DRD2: variants seen among roughly 807,000 people sequenced by gnomAD.
The protein encoded by DRD2 is D(2) dopamine receptor.
Under a neutral mutation model 38.0 loss-of-function variants are expected in DRD2, and 8 were observed. That is an observed-to-expected ratio of 0.21 (90% CI 0.12 to 0.38). The LOEUF (loss-of-function observed/expected upper bound fraction) is 0.38, where lower values mean the gene tolerates loss of function less well. Among genes scored for constraint, DRD2 ranks in the 10% least tolerant of loss-of-function variants. DRD2 has a pLI of 1.00. For synonymous variants in DRD2, 230 were observed against 238.6 expected (o/e 0.96, Z 0.33); for missense variants, 403 against 607.7 (o/e 0.66, Z 3.54).
Position 113,412,846 on chromosome 11 carries a change from A to C in DRD2, c.848T>G (p.Met283Arg). 1 of 1,612,758 alleles carries C rather than the reference A, an allele frequency of 6.2e-7. No homozygotes were observed. The highest frequency in any genetic ancestry group is 1.1e-5 in the South Asian group (1 of 91,006). Reference sequence around the variant, plus strand: ...CTCGGGTGGGCTGGTGCTGGAGAGCATCTCCATCTCCAGCTCCTGGGCTCG... The same window carrying C: ...CTCGGGTGGGCTGGTGCTGGAGAGCCTCTCCATCTCCAGCTCCTGGGCTCG... The part of the protein sequence containing the change: ...ARRAQELEME[M>R]LSSTSPPERT... Residue 283 changes from methionine (M) to arginine (R), a missense_variant, in exon 7 of 8, where the codon ATG becomes AGG. Physicochemically the swap from Met to Arg is moderately conservative, Grantham distance 91 (BLOSUM62 -1). This residue lies in a region of DRD2 where 166 missense variants were observed against 178.6 expected (regional missense o/e 0.93). Transcript: ENST00000362072.
Position 113,412,901 on chromosome 11 carries a change from G to C in DRD2, c.811-18C>G, listed in dbSNP as rs1202330746. 1.2e-6 allele frequency: 2 copies of C among 1,606,898 alleles called. No individual in the cohort carries two copies. The highest frequency in any genetic ancestry group is 1.7e-6 in the Non-Finnish European group (2 of 1,178,904). On this transcript the variant is annotated intron_variant, in intron 6 of 7. Coordinates refer to ENST00000362072, the MANE Select transcript of DRD2 (RefSeq NM_000795.4). The stretch of plus-strand genomic sequence containing the variant: ...GCAGCCTCCTGCACCAGAGGCAGAG[G>C]GCTCTGGGTAAAGCCGGACAAGTTC...
intron 1 of DRD2, among the ~76,000 whole-genome samples, chr11:113,468,712 T>C (rs560622977): frequency 6.6e-6 from 1 of 152,278 alleles, no homozygotes; most frequent in South Asian, 2.1e-4. Flanking sequence ...CAGATCCTAA[T>C]TTTTTTGTGT....
chr11:113,464,074 C>T (rs1316610339), intron 1 of DRD2, among the ~76,000 whole-genome samples: 1 of 152,172 alleles, frequency 6.6e-6, no homozygotes, highest in Non-Finnish European at 1.5e-5. Flanking sequence ...TAACTTCCAC[C>T]TATTTCAGCT....
chr11:113,415,724 G>T, intron 4 of DRD2, 113 bp from the exon 5 acceptor site: 1 of 1,186,188 alleles, frequency 8.4e-7, no homozygotes, highest in Non-Finnish European at 1.2e-6. Flanking sequence ...CAGAGAATAT[G>T]AACGCAACTA....
intron 1 of DRD2, among the ~76,000 whole-genome samples, chr11:113,472,841 T>C (rs1313332788): frequency 6.6e-6 from 1 of 152,160 alleles, no homozygotes; most frequent in Non-Finnish European, 1.5e-5. Context: ...AGTATTTACA[T>C]AAGTCAACCT....
At chr11:113,457,348 G>C (rs1951277046) in intron 1 of DRD2, among the ~76,000 whole-genome samples, 2 of 151,964 alleles carry the variant, frequency 1.3e-5, no homozygotes, top group South Asian at 4.2e-4. Flanking sequence ...TAACAAGAAG[G>C]GGAGATCTCA....
chr11:113,420,157 G>T (rs1334773500), intron 2 of DRD2, among the ~76,000 whole-genome samples: 4 of 152,182 alleles, frequency 2.6e-5, no homozygotes, highest in Admixed American at 1.3e-4. Flanking sequence ...AGCCACTGGG[G>T]ATCTAGGTTG....
At chr11:113,434,509 C>G (rs1032229697) in intron 1 of DRD2, among the ~76,000 whole-genome samples, 1 of 152,190 alleles carries the variant, frequency 6.6e-6, no homozygotes. Flanking sequence ...CCAGCTGGTT[C>G]GGGTCCTTGC....
chr11:113,410,436 G>T lies in DRD2; in HGVS notation c.*291C>A. The T allele has an allele frequency of 1.9e-6, 1 of 532,972 alleles. No homozygotes were observed. 33.0% of individuals were successfully genotyped at this position (532,972 alleles called of 1,614,324 possible). ...GGTCAAGGAAGGCGGCTGCATCTTT[G>T]GTGCCAAGGATAGGGGGACTGGAGG... On this transcript the variant is annotated 3_prime_UTR_variant, in exon 8 of 8. Coordinates refer to ENST00000362072, the MANE Select transcript of DRD2 (RefSeq NM_000795.4).
intron 1 of DRD2, among the ~76,000 whole-genome samples, chr11:113,470,856 C>T (rs1951417148): frequency 6.6e-6 from 1 of 152,160 alleles, no homozygotes; most frequent in Non-Finnish European, 1.5e-5. Flanking sequence ...CCCAGTGTGT[C>T]ATCTCTGACT....
At chr11:113,415,733 TA>T in intron 4 of DRD2, 122 bp from the exon 5 acceptor site, 1 of 1,110,262 alleles carries the variant, frequency 9.0e-7, no homozygotes, top group Non-Finnish European at 1.3e-6. Flanking sequence ...TGAACGCAAC[TA>T]GATGTTTAAG....
Position 113,450,774 on chromosome 11 carries a change from G to A in DRD2, c.-32+24302C>T, listed in dbSNP as rs199874723. On this transcript the variant is annotated intron_variant, in intron 1 of 7. Coordinates refer to ENST00000362072, the MANE Select transcript of DRD2 (RefSeq NM_000795.4). The stretch of plus-strand genomic sequence containing the variant: ...AGATGCAGAACCCGTAAATGAAGGA[G>A]AGATTTGGTCCTCTTGAGGAAGACC... Among the ~76,000 whole-genome samples the A allele has an allele frequency of 2.0e-5, 3 of 152,326 alleles. No individual in the cohort carries two copies. The East Asian group carries it at 5.8e-4, about 29-fold the overall frequency.
chr11:113,441,716 G>C (rs1951094448), intron 1 of DRD2, among the ~76,000 whole-genome samples: 1 of 152,176 alleles, frequency 6.6e-6, no homozygotes, highest in African/African-American at 2.4e-5. Flanking sequence ...ACACCTTGGT[G>C]GCTCACGCCT....
chr11:113,446,243 C>T (rs1201158796), intron 1 of DRD2, among the ~76,000 whole-genome samples: 1 of 152,126 alleles, frequency 6.6e-6, no homozygotes, highest in Non-Finnish European at 1.5e-5. Context: ...CACCCTAGTT[C>T]CCCAGGCACT....
chr11:113,469,594 G>T (rs1311909388), intron 1 of DRD2, among the ~76,000 whole-genome samples: 2 of 152,122 alleles, frequency 1.3e-5, no homozygotes, highest in Admixed American at 6.6e-5. Context: ...AATAATAAGG[G>T]TTACTCTGAG....
At chr11:113,452,020 A>G (rs1951214191) in intron 1 of DRD2, among the ~76,000 whole-genome samples, 2 of 152,008 alleles carry the variant, frequency 1.3e-5, no homozygotes, top group Admixed American at 6.6e-5. Flanking sequence ...AGCCCAACAC[A>G]TTCAACTCAC....
At chr11:113,417,994 C>G in intron 3 of DRD2, 33 bp downstream of exon 3, 1 of 1,586,194 alleles carries the variant, frequency 6.3e-7, no homozygotes, top group East Asian at 2.2e-5. Flanking sequence ...GGTGAGTGGC[C>G]AGAGCAACCT....
In DRD2 at chr11:113,419,652, A is replaced by G. The variant is rs574038966; in HGVS notation, c.286-1516T>C. 3.6e-3 allele frequency among the ~76,000 whole-genome samples: 553 copies of G among 152,212 alleles called. 4 individuals are homozygous for G. The highest frequency in any genetic ancestry group is 7.0e-3 in the Non-Finnish European group (474 of 68,000). On this transcript the variant is annotated intron_variant, in intron 2 of 7. Transcript: ENST00000362072. ...GGAGATGCACCTTTGGCTTCTACCA[A>G]TAGGAGCAGAGAGGAGCGTGAAAGC...
chr11:113,457,310 C>T (rs764763024), intron 1 of DRD2, among the ~76,000 whole-genome samples: 2 of 152,176 alleles, frequency 1.3e-5, no homozygotes, highest in Non-Finnish European at 2.9e-5. Context: ...AATATCCACT[C>T]ATCCAATTAC....
Sources: gnomAD v4.1 joint callset for allele counts (sites outside exome capture counted in the v4.1 genomes callset) on GRCh38, gnomAD v4.1.1 for gene constraint, gnomAD v4.1.1 regional missense constraint, MANE v1.5 for transcripts, NCBI Gene and HGNC (gene_info 2026-07-23, HGNC 2026-07-21) for gene names.